SYNE2: variants seen among roughly 807,000 people sequenced by gnomAD.
The protein encoded by SYNE2 is nesprin-2.
In SYNE2, 431 loss-of-function variants were observed where a neutral mutation model predicts 856.3. The observed-to-expected ratio is 0.50, with a 90% confidence interval of 0.47 to 0.55. The LOEUF is 0.55. Among genes scored for constraint, SYNE2 ranks in the 20% least tolerant of loss-of-function variants. The pLI is 0.00. For synonymous variants in SYNE2, 2,923 were observed against 2,872.3 expected (o/e 1.02, Z -0.56); for missense variants, 8,129 against 8,023.2 (o/e 1.01, Z -0.50).
chr14:63,835,378 G>T (rs2139908805), intron 1 of SYNE2, among the ~76,000 whole-genome samples: 1 of 152,086 alleles, frequency 6.6e-6, no homozygotes, highest in East Asian at 1.9e-4. Context: ...GGATTAAGGT[G>T]CCCGCCTCCA....
chr14:63,982,864 A>C, intron 17 of SYNE2, 70 bp downstream of exon 17: 1 of 1,498,778 alleles, frequency 6.7e-7, no homozygotes, highest in Non-Finnish European at 9.2e-7. Context: ...ACTCATTGTA[A>C]GTTCATAACC....
chr14:63,773,683 T>G (rs1236705743), intron 1 of SYNE2, among the ~76,000 whole-genome samples: 2 of 152,162 alleles, frequency 1.3e-5, no homozygotes, highest in African/African-American at 2.4e-5. Flanking sequence ...TGTCTCAGCC[T>G]CCTGAGTAAC....
At chr14:64,123,099 CAA>C (rs763912787) in intron 70 of SYNE2, among the ~76,000 whole-genome samples, 1 of 117,176 alleles carries the variant, frequency 8.5e-6, no homozygotes. Flanking sequence ...AACTGCGTCT[CAA>C]AAAAAAAAAA....
chr14:63,769,760 G>A (rs981597939), intron 1 of SYNE2, among the ~76,000 whole-genome samples: 2 of 150,388 alleles, frequency 1.3e-5, no homozygotes, highest in African/African-American at 2.4e-5. Flanking sequence ...TCAGCTGAGT[G>A]TGGTGGCATG....
At chr14:63,785,155 C>T (rs1366594149) in intron 1 of SYNE2, among the ~76,000 whole-genome samples, 2 of 152,084 alleles carry the variant, frequency 1.3e-5, no homozygotes, top group Non-Finnish European at 2.9e-5. Flanking sequence ...TACTTTCACC[C>T]TTAATCGGAA....
chr14:64,189,198 G>T (rs1471581220), intron 98 of SYNE2, among the ~76,000 whole-genome samples: 2 of 152,128 alleles, frequency 1.3e-5, no homozygotes, highest in African/African-American at 4.8e-5. Context: ...GCCTGGTGTG[G>T]TGGTGGGCAC....
intron 1 of SYNE2, among the ~76,000 whole-genome samples, chr14:63,896,853 G>A (rs1189546374): frequency 6.6e-6 from 1 of 152,210 alleles, no homozygotes; most frequent in African/African-American, 2.4e-5. Context: ...TATAGCTGAA[G>A]TCTGTCCTCC....
intron 79 of SYNE2, among the ~76,000 whole-genome samples, chr14:64,138,380 G>A (rs935728490): frequency 1.3e-5 from 2 of 151,606 alleles, no homozygotes; most frequent in Admixed American, 6.6e-5. Flanking sequence ...TACAGGCATA[G>A]GCCACCGTGC....
intron 112 of SYNE2, 34 bp from the exon 113 acceptor site, chr14:64,223,155 A>G (rs1258746366): frequency 1.9e-6 from 3 of 1,611,744 alleles, no homozygotes; most frequent in East Asian, 2.2e-5. Flanking sequence ...CCCTTTGGAC[A>G]GGTCACTGTT....
intron 6 of SYNE2, among the ~76,000 whole-genome samples, chr14:63,944,517 C>CTTTTTT (rs1188374243): frequency 9.1e-4 from 82 of 90,114 alleles, no homozygotes; most frequent in African/African-American, 1.2e-3. Flanking sequence ...TAAAGCCTTT[C>CTTTTTT]TTTTTTTTTT....
At chr14:64,154,792 CAAAAAAAAAAAA>C (rs34020154) in intron 85 of SYNE2, among the ~76,000 whole-genome samples, 2 of 91,118 alleles carry the variant, frequency 2.2e-5, no homozygotes. Context: ...GACCCTGTCT[CAAAAAAAAAAAA>C]AAAAAAAAGA....
intron 1 of SYNE2, among the ~76,000 whole-genome samples, chr14:63,896,297 G>A (rs1352208767): frequency 2.0e-5 from 3 of 152,176 alleles, no homozygotes; most frequent in Non-Finnish European, 4.4e-5. Context: ...ACAATGGTAG[G>A]TTTCTCTTGA....
At chr14:64,035,630 T>G (rs1037443438) in intron 45 of SYNE2, among the ~76,000 whole-genome samples, 11 of 152,194 alleles carry the variant, frequency 7.2e-5, no homozygotes, top group Non-Finnish European at 1.3e-4. Flanking sequence ...GTAACCCTTT[T>G]ATTTCAGGTG....
At chr14:63,961,029 T>TA (rs2096306618) in intron 8 of SYNE2, among the ~76,000 whole-genome samples, 1 of 152,236 alleles carries the variant, frequency 6.6e-6, no homozygotes, top group African/African-American at 2.4e-5. Context: ...GTTCCATGAA[T>TA]GAATGAACAA....
chr14:63,943,665 A>T (rs913478350), intron 6 of SYNE2, among the ~76,000 whole-genome samples: 1 of 114,172 alleles, frequency 8.8e-6, no homozygotes, highest in Admixed American at 1.0e-4. Flanking sequence ...TTTTTTTATT[A>T]CTTATTATTA....
chr14:63,851,595 C>G (rs141722291), upstream of SYNE2, among the ~76,000 whole-genome samples: 1,019 of 152,242 alleles, frequency 6.7e-3, 9 homozygotes, highest in South Asian at 0.011. Context: ...TCCTGGTAGT[C>G]ACAGAGGTAA....
At chr14:63,947,047 G>A (rs1478165873) in intron 6 of SYNE2, among the ~76,000 whole-genome samples, 2 of 151,972 alleles carry the variant, frequency 1.3e-5, no homozygotes, top group African/African-American at 2.4e-5. Flanking sequence ...ATGGGGTTTC[G>A]CCATGTTGGT....
chr14:64,190,047 T>C (rs757475163), intron 98 of SYNE2, 24 bp from the exon 99 acceptor site: 1 of 1,613,670 alleles, frequency 6.2e-7, no homozygotes, highest in East Asian at 2.2e-5. Flanking sequence ...TTAGCCAGGC[T>C]TTATGTTTTG....
At chr14:64,133,613 G>A (rs2098049619) in intron 77 of SYNE2, among the ~76,000 whole-genome samples, 1 of 152,162 alleles carries the variant, frequency 6.6e-6, no homozygotes, top group African/African-American at 2.4e-5. Flanking sequence ...TGCTGCAAGT[G>A]GCATGGGGGT....
Sources: allele counts gnomAD v4.1 joint callset (sites outside exome capture counted in the v4.1 genomes callset), GRCh38; gene constraint gnomAD v4.1.1; transcripts MANE v1.5; gene names NCBI Gene and HGNC (gene_info 2026-07-23, HGNC 2026-07-21).